The following GPHN variants were observed in gnomAD, a reference collection of about 807,000 sequenced individuals.
GPHN encodes the protein gephyrin.
GPHN carries 17 observed loss-of-function variants against 95.5 expected under a neutral mutation model. The ratio of observed to expected loss-of-function variants is 0.18; its 90% CI spans 0.12 to 0.27. The LOEUF (loss-of-function observed/expected upper bound fraction) is 0.27, where lower values mean the gene tolerates loss of function less well. Ranked by LOEUF, GPHN falls within the 10% of genes least tolerant of loss-of-function variation. The pLI is 1.00. For synonymous variants in GPHN, 320 were observed against 322.5 expected, an observed-to-expected ratio of 0.99 and a Z score of 0.08; for missense variants, 660 against 978.1, an observed-to-expected ratio of 0.67 and a Z score of 4.34.
At chr14:66,810,076 A>G (rs1436268336) in intron 3 of GPHN, among the ~76,000 whole-genome samples, 3 of 151,932 alleles carry the variant, frequency 2.0e-5, no homozygotes, top group Non-Finnish European at 2.9e-5. Flanking sequence ...CCTCTTACTA[A>G]TTATTATATA....
chr14:66,981,296 TTTATAC>T (rs2070656911), intron 9 of GPHN, among the ~76,000 whole-genome samples: 1 of 152,196 alleles, frequency 6.6e-6, no homozygotes, highest in Non-Finnish European at 1.5e-5. Context: ...TCTTCCTTCC[TTTATAC>T]TTATCTTAAT....
the GPHN span, among the ~76,000 whole-genome samples, chr14:67,237,109 T>C: frequency 6.6e-6 from 1 of 151,360 alleles, no homozygotes; most frequent in Non-Finnish European, 1.5e-5. Flanking sequence ...AAATATATTA[T>C]ATATATATAT....
intron 21 of GPHN, among the ~76,000 whole-genome samples, chr14:67,177,392 G>A (rs556608235): frequency 6.6e-5 from 10 of 152,336 alleles, no homozygotes; most frequent in African/African-American, 2.4e-4. Context: ...GTGGTTTTGA[G>A]TAAGTTTCTT....
At chr14:67,224,259 C>CTT in the GPHN span, among the ~76,000 whole-genome samples, 5 of 134,796 alleles carry the variant, frequency 3.7e-5, no homozygotes, top group Non-Finnish European at 6.4e-5. Flanking sequence ...TCTCTCTTTT[C>CTT]TTTTTTTTTT....
At chr14:67,090,773 T>A (rs1177882676) in intron 12 of GPHN, among the ~76,000 whole-genome samples, 1 of 152,072 alleles carries the variant, frequency 6.6e-6, no homozygotes, top group Non-Finnish European at 1.5e-5. Context: ...GCTCAAGTGA[T>A]CTGGGTTTTA....
intron 16 of GPHN, among the ~76,000 whole-genome samples, chr14:67,121,168 T>TA (rs1316605281): frequency 6.6e-6 from 1 of 152,182 alleles, no homozygotes; most frequent in African/African-American, 2.4e-5. Context: ...CTTCTTTTTT[T>TA]ACTTTATAAT....
the GPHN span, among the ~76,000 whole-genome samples, chr14:67,213,093 G>T: frequency 7.5e-6 from 1 of 133,662 alleles, no homozygotes; most frequent in Admixed American, 7.5e-5. Context: ...GAATTCTGTG[G>T]TGTTTTTTTT....
At chr14:67,343,551 T>A in the GPHN span, 1 of 787,964 alleles carries the variant, frequency 1.3e-6, no homozygotes, top group Non-Finnish European at 2.0e-6. Context: ...CAAGACAACT[T>A]CTTTTTGGCA....
At chr14:67,047,334 T>TTGTGTGTGTGTGTGTGTG (rs778266656) in intron 10 of GPHN, among the ~76,000 whole-genome samples, 14 of 109,706 alleles carry the variant, frequency 1.3e-4, no homozygotes, top group African/African-American at 4.5e-4. Flanking sequence ...GTGTGTGTGT[T>TTGTGTGTGTGTGTGTGTG]TGTGTGTGTG....
At chr14:67,635,773 AT>A in the GPHN span, among the ~76,000 whole-genome samples, 1 of 152,090 alleles carries the variant, frequency 6.6e-6, no homozygotes. Context: ...GAATTGCTTG[AT>A]CCGGTGGGTG....
chr14:67,202,480 A>G, the GPHN span, among the ~76,000 whole-genome samples: 1 of 152,194 alleles, frequency 6.6e-6, no homozygotes, highest in Non-Finnish European at 1.5e-5. Flanking sequence ...TTATAAACTT[A>G]CATTATATCT....
chr14:67,382,692 G>A, the GPHN span: 1 of 1,385,576 alleles, frequency 7.2e-7, no homozygotes, highest in South Asian at 1.2e-5. Flanking sequence ...CATATTGTAG[G>A]ATGGTCATTC....
chr14:66,824,030 A>C (rs914997246), intron 3 of GPHN, among the ~76,000 whole-genome samples: 1 of 152,154 alleles, frequency 6.6e-6, no homozygotes. Context: ...AATTTTGTAA[A>C]TTATTTAAGC....
chr14:67,453,197 C>A, the GPHN span, among the ~76,000 whole-genome samples: 1 of 150,270 alleles, frequency 6.7e-6, no homozygotes, highest in Admixed American at 6.6e-5. Flanking sequence ...TCAAATGCTG[C>A]TCCAATTATC....
intron 11 of GPHN, among the ~76,000 whole-genome samples, chr14:67,069,959 T>G (rs1230658403): frequency 6.6e-6 from 1 of 152,258 alleles, no homozygotes; most frequent in Non-Finnish European, 1.5e-5. Flanking sequence ...ATCACTGCCT[T>G]AAGTTTCTAC....
chr14:67,323,800 C>T, the GPHN span: 1 of 1,562,940 alleles, frequency 6.4e-7, no homozygotes, highest in Admixed American at 1.8e-5. Flanking sequence ...CCAAAGAAGG[C>T]AAGAATCCAA....
the GPHN span, among the ~76,000 whole-genome samples, chr14:67,262,313 A>G: frequency 3.9e-5 from 6 of 152,264 alleles, no homozygotes; most frequent in African/African-American, 1.4e-4. Flanking sequence ...TATAAATGCA[A>G]TAATTAAAAA....
chr14:66,883,565 T>C (rs987419456), intron 5 of GPHN, among the ~76,000 whole-genome samples: 17 of 152,088 alleles, frequency 1.1e-4, no homozygotes, highest in Non-Finnish European at 2.4e-4. Flanking sequence ...TGTTCTATGT[T>C]GAGAAATTTT....
At chr14:66,720,092 C>T (rs759622527) in intron 2 of GPHN, among the ~76,000 whole-genome samples, 1 of 151,942 alleles carries the variant, frequency 6.6e-6, no homozygotes, top group Non-Finnish European at 1.5e-5. Flanking sequence ...TGTTTATCTG[C>T]TCAATGGATC....
Sources: allele counts gnomAD v4.1 joint callset (sites outside exome capture counted in the v4.1 genomes callset), GRCh38; gene constraint gnomAD v4.1.1; transcripts MANE v1.5; gene names NCBI Gene and HGNC (gene_info 2026-07-23, HGNC 2026-07-21).